The following ARL10 variants were observed in gnomAD, a reference collection of about 807,000 sequenced individuals.
ARL10 encodes ADP-ribosylation factor-like protein 10.
ARL10 carries 23 observed loss-of-function variants against 26.1 expected under a neutral mutation model. That is an observed-to-expected ratio of 0.88 (90% CI 0.63 to 1.25). The LOEUF (loss-of-function observed/expected upper bound fraction) is 1.25, where lower values mean the gene tolerates loss of function less well. Ranked by LOEUF, ARL10 falls within the 50% of genes most tolerant of loss-of-function variation. ARL10 has a pLI of 0.00. For synonymous variants in ARL10, 138 were observed against 149.1 expected (o/e 0.93, Z 0.54); for missense variants, 300 against 323.6 (o/e 0.93, Z 0.56).
downstream of ARL10, chr5:176,384,185 T>C: frequency 6.2e-7 from 1 of 1,614,106 alleles, no homozygotes. Context: ...CCAGCTTCAC[T>C]GGTCCGGGGG....
chr5:176,372,057 A>C lies in ARL10; in HGVS notation c.*162A>C, dbSNP rs1185637714. On this transcript the variant is annotated 3_prime_UTR_variant, in exon 4 of 4. Coordinates refer to ENST00000310389, the MANE Select transcript of ARL10 (RefSeq NM_173664.6). The stretch of plus-strand genomic sequence containing the variant: ...GCCTGGGCAAGGCCAAGAACCATGC[A>C]GAAGCCTTCCTGGTGAGGTGGCCGT... The C allele has an allele frequency of 7.0e-7, 1 of 1,435,684 alleles. No homozygotes were observed. The highest frequency in any genetic ancestry group is 1.4e-5 in the African/African-American group (1 of 69,668). 88.9% of individuals were successfully genotyped at this position (1,435,684 alleles called of 1,614,324 possible). A position where few individuals can be genotyped will look rare whatever the true frequency, so the allele number is the denominator to read the frequency against.
intron 1 of ARL10, among the ~76,000 whole-genome samples, chr5:176,387,476 G>A (rs374891564): frequency 1.7e-4 from 26 of 152,298 alleles, no homozygotes; most frequent in African/African-American, 5.5e-4. Flanking sequence ...CATTGCCTTA[G>A]GCAAGTTTCT....
downstream of ARL10, chr5:176,406,522 G>C: frequency 8.0e-7 from 1 of 1,252,492 alleles, no homozygotes. Flanking sequence ...AAGCTAAAAG[G>C]AGGATGATGG....
In ARL10 at chr5:176,380,207, T is replaced by C. The variant is rs114177472; in HGVS notation, c.*8312T>C. On this transcript the variant is annotated 3_prime_UTR_variant, in exon 4 of 4. Coordinates refer to ENST00000310389, the MANE Select transcript of ARL10 (RefSeq NM_173664.6). Reference sequence around the variant, plus strand: ...ACAGAGAAGGAGCAATCCAGGTTCATGTGCTGCATGAGCCTTTCATTTGCG... The same window carrying C: ...ACAGAGAAGGAGCAATCCAGGTTCACGTGCTGCATGAGCCTTTCATTTGCG... 8 of 152,370 alleles carry C rather than the reference T, an allele frequency of 5.3e-5. No homozygotes were observed. Among genetic ancestry groups the C allele is most frequent in the African/African-American group, 1.7e-4 (7 of 41,598 alleles). 9.4% of individuals were successfully genotyped at this position (152,370 alleles called of 1,614,324 possible).
chr5:176,413,712 G>A, the ARL10 span, among the ~76,000 whole-genome samples: 2 of 152,192 alleles, frequency 1.3e-5, no homozygotes, highest in African/African-American at 2.4e-5. Context: ...CACATCCCTG[G>A]TCAGGGGAAG....
chr5:176,398,064 C>T, intron 1 of ARL10: 2 of 1,609,864 alleles, frequency 1.2e-6, no homozygotes, highest in Non-Finnish European at 1.7e-6. Flanking sequence ...CACAAACACG[C>T]AGCAGTCTAT....
At chr5:176,366,648 A>T in intron 2 of ARL10, 67 bp downstream of exon 2, 3 of 1,561,464 alleles carry the variant, frequency 1.9e-6, no homozygotes, top group Non-Finnish European at 2.6e-6. Context: ...CTCTGCAGGG[A>T]AGGGGGCTTC....
chr5:176,399,602 T>C (rs952166390), intron 1 of ARL10, among the ~76,000 whole-genome samples: 2 of 151,956 alleles, frequency 1.3e-5, no homozygotes, highest in East Asian at 1.9e-4. Context: ...TTTTTAATTA[T>C]GGAAAAAAAG....
At chr5:176,367,167 C>T (rs1451403748) in intron 2 of ARL10, among the ~76,000 whole-genome samples, 7 of 152,012 alleles carry the variant, frequency 4.6e-5, no homozygotes, top group African/African-American at 1.2e-4. Flanking sequence ...GCCACCACGC[C>T]CGGCTAATTT....
chr5:176,395,311 C>T (rs1032579396), intron 1 of ARL10, among the ~76,000 whole-genome samples: 6 of 152,342 alleles, frequency 3.9e-5, no homozygotes, highest in Non-Finnish European at 7.3e-5. Context: ...GCTTCCAGAG[C>T]TCACTGTGTC....
At position 176,368,138 on chromosome 5, in the gene ARL10, G is replaced by A; in HGVS notation, c.386-669G>A. On this transcript the variant is annotated intron_variant, in intron 2 of 3. Transcript: ENST00000310389. The surrounding 1 kb of genome is among the most constrained non-coding windows in gnomAD (Gnocchi z 4.1). ...GGTGCGGGGTGACCAATGGGACTGTGCAGAGGAGCAGAGAGGAAAAGAAAG... is the reference window on the plus strand; with the variant it reads ...GGTGCGGGGTGACCAATGGGACTGTACAGAGGAGCAGAGAGGAAAAGAAAG... 2.4e-6 allele frequency: 1 copy of A among 423,480 alleles called. No individual in the cohort carries two copies. Among genetic ancestry groups the A allele is most frequent in the Non-Finnish European group, 4.6e-6 (1 of 215,158 alleles). 26.2% of individuals were successfully genotyped at this position (423,480 alleles called of 1,614,324 possible). A position where few individuals can be genotyped will look rare whatever the true frequency, so the allele number is the denominator to read the frequency against.
chr5:176,402,521 C>T (rs1468853047), downstream of ARL10, among the ~76,000 whole-genome samples: 2 of 152,114 alleles, frequency 1.3e-5, no homozygotes, highest in African/African-American at 4.8e-5. Flanking sequence ...CCTAGGGCTT[C>T]CCCTGCCTCC....
downstream of ARL10, among the ~76,000 whole-genome samples, chr5:176,391,710 C>G (rs545485714): frequency 6.6e-6 from 1 of 152,334 alleles, no homozygotes; most frequent in East Asian, 1.9e-4. Flanking sequence ...TGGGGTGATG[C>G]GTCTGCCAGC....
At chr5:176,397,827 G>T in intron 1 of ARL10, 1 of 1,477,886 alleles carries the variant, frequency 6.8e-7, no homozygotes, top group South Asian at 1.1e-5. Flanking sequence ...CACCGGCCCA[G>T]TCCCACATTA....
At chr5:176,395,859 G>C (rs1349055392) in intron 1 of ARL10, among the ~76,000 whole-genome samples, 2 of 152,192 alleles carry the variant, frequency 1.3e-5, no homozygotes, top group Non-Finnish European at 2.9e-5. Context: ...CTTCAGCTGG[G>C]TGTGGTGGCT....
In ARL10 at chr5:176,374,336, T is replaced by C. The variant is rs568911070; in HGVS notation, c.*2441T>C. 2 of 152,352 alleles carry C rather than the reference T, an allele frequency of 1.3e-5. No homozygotes were observed. The highest frequency in any genetic ancestry group is 4.8e-5 in the African/African-American group (2 of 41,584). 9.4% of individuals were successfully genotyped at this position (152,352 alleles called of 1,614,324 possible). A position where few individuals can be genotyped will look rare whatever the true frequency, so the allele number is the denominator to read the frequency against. On this transcript the variant is annotated 3_prime_UTR_variant, in exon 4 of 4. Coordinates refer to ENST00000310389, the MANE Select transcript of ARL10 (RefSeq NM_173664.6). ...CACTACCTTCTGTCACTATTTGACC[T>C]CATTATGGAACTCACAGTTTACAAT...
the ARL10 span, among the ~76,000 whole-genome samples, chr5:176,409,372 TC>T: frequency 6.8e-6 from 1 of 147,108 alleles, no homozygotes; most frequent in Admixed American, 6.8e-5. Context: ...ATTGTGGACA[TC>T]TTTTCACGTC....
At chr5:176,394,042 G>A (rs1756377950) in intron 1 of ARL10, among the ~76,000 whole-genome samples, 1 of 152,202 alleles carries the variant, frequency 6.6e-6, no homozygotes, top group South Asian at 2.1e-4. Flanking sequence ...GATGCTGGCT[G>A]TATGCTCATT....
the ARL10 span, among the ~76,000 whole-genome samples, chr5:176,411,217 G>T: frequency 3.9e-5 from 6 of 152,306 alleles, no homozygotes; most frequent in South Asian, 1.2e-3. Flanking sequence ...CATGGCTTTT[G>T]CCCATTCACA....
Sources: allele counts gnomAD v4.1 joint callset (sites outside exome capture counted in the v4.1 genomes callset), GRCh38; gene constraint gnomAD v4.1.1; non-coding constraint Gnocchi (gnomAD v3.1); transcripts MANE v1.5; gene names NCBI Gene and HGNC (gene_info 2026-07-23, HGNC 2026-07-21).